RBFOX3: variants seen among roughly 807,000 people sequenced by gnomAD.
The protein encoded by RBFOX3 is RNA binding fox-1 homolog 3.
RBFOX3 carries 17 observed loss-of-function variants against 48.7 expected under a neutral mutation model. That is an observed-to-expected ratio of 0.35 (90% confidence interval 0.24 to 0.52). The LOEUF (loss-of-function observed/expected upper bound fraction) is 0.52, where lower values mean the gene tolerates loss of function less well. Among genes scored for constraint, RBFOX3 ranks in the 20% least tolerant of loss-of-function variants. RBFOX3 has a pLI of 0.94. For synonymous variants in RBFOX3, 212 were observed against 209.5 expected (o/e 1.01, Z -0.10); for missense variants, 382 against 497.5 (o/e 0.77, Z 2.21).
At chr17:79,316,748 A>G (rs1598227517) in intron 2 of RBFOX3, among the ~76,000 whole-genome samples, 1 of 152,272 alleles carries the variant, frequency 6.6e-6, no homozygotes, top group East Asian at 1.9e-4. Context: ...ATGCAGTTAA[A>G]TTAGAAATTT....
intron 2 of RBFOX3, among the ~76,000 whole-genome samples, chr17:79,370,506 A>G (rs2058375704): frequency 6.6e-6 from 1 of 151,846 alleles, no homozygotes; most frequent in South Asian, 2.1e-4. Context: ...AGGCACACAC[A>G]CGTACACGTC....
rs540976008 is a variant in RBFOX3, at chr17:79,246,617, G to A, written c.-73-10812C>T. ...CTGCTGCACCTGTCCCCCTGCTCCCGGGTGTGGAGAGCCAGCCTGCCTATG... is the reference window on the plus strand; with the variant it reads ...CTGCTGCACCTGTCCCCCTGCTCCCAGGTGTGGAGAGCCAGCCTGCCTATG... On this transcript the variant is annotated intron_variant, in intron 3 of 14. Coordinates refer to ENST00000693108, the MANE Select transcript of RBFOX3 (RefSeq NM_001350451.2). Among the ~76,000 whole-genome samples the A allele has an allele frequency of 5.3e-5, 8 of 152,328 alleles. No individual in the cohort carries two copies. In the East Asian group the frequency reaches 9.6e-4, roughly 18 times the overall value.
chr17:79,408,657 T>C (rs2063872485), intron 2 of RBFOX3, among the ~76,000 whole-genome samples: 1 of 152,202 alleles, frequency 6.6e-6, no homozygotes, highest in Non-Finnish European at 1.5e-5. Context: ...AGTCTTAAAA[T>C]GCATTTAGCC....
At chr17:79,634,841 C>T in the RBFOX3 span, among the ~76,000 whole-genome samples, 10 of 152,028 alleles carry the variant, frequency 6.6e-5, no homozygotes, top group African/African-American at 2.4e-4. Context: ...GGGTAGATCA[C>T]TTGAGGTCAG....
chr17:79,381,060 G>T (rs1185855393), intron 2 of RBFOX3, among the ~76,000 whole-genome samples: 2 of 152,166 alleles, frequency 1.3e-5, no homozygotes. Context: ...AGGAGATCAA[G>T]ACCATCCTAA....
chr17:79,662,691 G>C, the RBFOX3 span, among the ~76,000 whole-genome samples: 4 of 152,208 alleles, frequency 2.6e-5, no homozygotes, highest in Admixed American at 6.5e-5. Context: ...GAACCTTGAA[G>C]TTCATGGTAA....
At chr17:79,241,045 A>C (rs907093426) in intron 3 of RBFOX3, among the ~76,000 whole-genome samples, 2 of 152,154 alleles carry the variant, frequency 1.3e-5, no homozygotes. Flanking sequence ...GCACAATCAT[A>C]GCTCACTGCA....
intron 4 of RBFOX3, among the ~76,000 whole-genome samples, chr17:79,119,767 C>T (rs111622267): frequency 0.014 from 2,096 of 152,328 alleles, 36 homozygotes; most frequent in Non-Finnish European, 0.022. Flanking sequence ...GTGTCCTCCA[C>T]AGCTGTGCTG....
chr17:79,271,254 T>C (rs1006345142), intron 3 of RBFOX3, among the ~76,000 whole-genome samples: 8 of 152,244 alleles, frequency 5.3e-5, no homozygotes, highest in Middle Eastern at 3.4e-3. Flanking sequence ...TTTTGTATTT[T>C]TAGTAGAGAC....
intron 2 of RBFOX3, among the ~76,000 whole-genome samples, chr17:79,455,991 T>C (rs1475580575): frequency 6.6e-6 from 1 of 151,954 alleles, no homozygotes; most frequent in African/African-American, 2.4e-5. Flanking sequence ...AACTTCACAC[T>C]GACGAGGCTC....
intron 4 of RBFOX3, among the ~76,000 whole-genome samples, chr17:79,186,388 C>T (rs983542717): frequency 1.3e-5 from 2 of 152,242 alleles, no homozygotes; most frequent in Admixed American, 1.3e-4. Flanking sequence ...CCGCTGTGAT[C>T]GTTTCAGAGT....
intron 2 of RBFOX3, among the ~76,000 whole-genome samples, chr17:79,417,668 G>T (rs2065608329): frequency 6.6e-6 from 1 of 152,240 alleles, no homozygotes; most frequent in African/African-American, 2.4e-5. Context: ...AGGTTTGGCG[G>T]TTCCTTAAAC....
intron 2 of RBFOX3, among the ~76,000 whole-genome samples, chr17:79,439,463 G>A (rs1405265383): frequency 2.6e-5 from 4 of 152,242 alleles, no homozygotes; most frequent in African/African-American, 9.6e-5. Flanking sequence ...AAACAGCAGT[G>A]ACCATGACTG....
At chr17:79,101,745 C>T in intron 8 of RBFOX3, 101 bp from the exon 9 acceptor site, 3 of 1,065,270 alleles carry the variant, frequency 2.8e-6, no homozygotes, top group Non-Finnish European at 2.8e-6. Flanking sequence ...CCCCGGCACC[C>T]CCCGCCCCAG....
intron 2 of RBFOX3, among the ~76,000 whole-genome samples, chr17:79,318,578 C>T (rs551217719): frequency 1.3e-4 from 20 of 152,096 alleles, no homozygotes; most frequent in African/African-American, 4.6e-4. Context: ...TGTGGGGCCA[C>T]GTGCGGTGGC....
rs1476082665 is a variant in RBFOX3, at chr17:79,477,417, G to A, written c.-175+5037C>T. 7.9e-5 allele frequency among the ~76,000 whole-genome samples: 12 copies of A among 152,036 alleles called. No individual in the cohort carries two copies. Among genetic ancestry groups the A allele is most frequent in the South Asian group, 2.1e-4 (1 of 4,814 alleles). ...TAAAAATACAAAACATTAGCCAGAC[G>A]TGGTGGCGGGCGCCTGTAGTCCCAG... On this transcript the variant is annotated intron_variant, in intron 2 of 14. Coordinates refer to ENST00000693108, the MANE Select transcript of RBFOX3 (RefSeq NM_001350451.2). This position sits in a 1 kb window ranked among gnomAD's most constrained non-coding sequence, Gnocchi z 4.8.
In RBFOX3 at chr17:79,205,626, C is replaced by T. The variant is rs1261117111; in HGVS notation, c.-34+30140G>A. On this transcript the variant is annotated intron_variant, in intron 4 of 14. Coordinates refer to ENST00000693108, the MANE Select transcript of RBFOX3 (RefSeq NM_001350451.2). The surrounding 1 kb of genome is among the most constrained non-coding windows in gnomAD (Gnocchi z 4.5). ...GTCCCCATCCTATCCTTGTTCAATT[C>T]ACCTACAAAACAGAACCCTACAAAA... is the stretch of plus-strand genomic sequence containing the variant. Among the ~76,000 whole-genome samples the T allele has an allele frequency of 2.6e-5, 4 of 152,140 alleles. No homozygotes were observed. The highest frequency in any genetic ancestry group is 5.9e-5 in the Non-Finnish European group (4 of 68,028).
intron 4 of RBFOX3, among the ~76,000 whole-genome samples, chr17:79,122,338 C>T (rs948621809): frequency 2.0e-5 from 3 of 152,290 alleles, no homozygotes; most frequent in South Asian, 2.1e-4. Context: ...GGGTCCTGCA[C>T]GACCCCTGCT....
intron 1 of RBFOX3, among the ~76,000 whole-genome samples, chr17:79,513,229 A>T (rs1225601802): frequency 1.3e-5 from 2 of 149,102 alleles, no homozygotes; most frequent in Admixed American, 1.3e-4. Context: ...ACCTGGATAC[A>T]TGTTACCATC....
Sources: gnomAD v4.1 joint callset for allele counts (sites outside exome capture counted in the v4.1 genomes callset) on GRCh38, gnomAD v4.1.1 for gene constraint, Gnocchi (gnomAD v3.1) non-coding constraint, MANE v1.5 for transcripts, NCBI Gene and HGNC (gene_info 2026-07-23, HGNC 2026-07-21) for gene names.